TBC1D5: variants seen among roughly 807,000 people sequenced by gnomAD.
The protein encoded by TBC1D5 is TBC1 domain family, member 5.
Under a neutral mutation model 100.3 loss-of-function variants are expected in TBC1D5, and 75 were observed. The ratio of observed to expected loss-of-function variants is 0.75; its 90% CI spans 0.62 to 0.91. The LOEUF is 0.91. Ranked by LOEUF, TBC1D5 falls within the 40% of genes least tolerant of loss-of-function variation. The pLI is 0.00. For missense variants in TBC1D5, 910 were observed against 942.4 expected, an observed-to-expected ratio of 0.97 and a Z score of 0.45; for synonymous variants, 323 against 325.6, an observed-to-expected ratio of 0.99 and a Z score of 0.09.
chr3:17,507,125 C>G (rs897135795), intron 3 of TBC1D5, among the ~76,000 whole-genome samples: 1 of 152,184 alleles, frequency 6.6e-6, no homozygotes, highest in African/African-American at 2.4e-5. Context: ...ACTTGTAACA[C>G]AAAGACATTC....
At chr3:17,404,212 T>G (rs896190016) in intron 7 of TBC1D5, among the ~76,000 whole-genome samples, 5 of 152,082 alleles carry the variant, frequency 3.3e-5, no homozygotes, top group African/African-American at 9.7e-5. Flanking sequence ...ACATAATATC[T>G]TTAAAGTAGT....
intron 13 of TBC1D5, among the ~76,000 whole-genome samples, chr3:17,314,317 G>A (rs558211383): frequency 2.9e-4 from 44 of 152,080 alleles, no homozygotes; most frequent in Non-Finnish European, 5.0e-4. Context: ...TTGATCTTGG[G>A]CCTACAGGCT....
At chr3:17,230,147 T>G (rs979705770) in intron 17 of TBC1D5, among the ~76,000 whole-genome samples, 1 of 152,164 alleles carries the variant, frequency 6.6e-6, no homozygotes, top group Non-Finnish European at 1.5e-5. Context: ...TTGTTTTTTT[T>G]GGTATCTTCC....
At chr3:17,732,606 G>A (rs990155328) in intron 1 of TBC1D5, among the ~76,000 whole-genome samples, 1 of 151,366 alleles carries the variant, frequency 6.6e-6, no homozygotes, top group Non-Finnish European at 1.5e-5. Flanking sequence ...AGGCCTGGTA[G>A]CATTCGCCTG....
intron 8 of TBC1D5, among the ~76,000 whole-genome samples, chr3:17,398,439 T>C (rs942428602): frequency 6.6e-5 from 10 of 152,138 alleles, no homozygotes; most frequent in African/African-American, 2.4e-4. Context: ...GAAATCAAAT[T>C]ATCTTGTTTA....
intron 3 of TBC1D5, among the ~76,000 whole-genome samples, chr3:17,466,013 T>C (rs1025379768): frequency 5.3e-5 from 8 of 152,216 alleles, no homozygotes; most frequent in African/African-American, 1.9e-4. Flanking sequence ...TTAGAATTGA[T>C]ATGGACAACT....
intron 18 of TBC1D5, among the ~76,000 whole-genome samples, chr3:17,210,715 A>C (rs2072879655): frequency 6.6e-6 from 1 of 152,116 alleles, no homozygotes; most frequent in Non-Finnish European, 1.5e-5. Context: ...TTCCTACCTT[A>C]AAACTCAGTT....
chr3:17,689,745 A>C (rs1192973668), intron 1 of TBC1D5, among the ~76,000 whole-genome samples: 2 of 152,198 alleles, frequency 1.3e-5, no homozygotes, highest in African/African-American at 4.8e-5. Context: ...CACTGCCCCC[A>C]GGGGACATTT....
chr3:17,288,263 C>T (rs1272021973), intron 15 of TBC1D5, among the ~76,000 whole-genome samples: 1 of 152,116 alleles, frequency 6.6e-6, no homozygotes, highest in Non-Finnish European at 1.5e-5. Context: ...GATAAACTTG[C>T]TGTTTTTCTC....
chr3:17,297,889 C>T (rs2060627), intron 14 of TBC1D5, among the ~76,000 whole-genome samples: 3 of 151,752 alleles, frequency 2.0e-5, no homozygotes, highest in African/African-American at 7.3e-5. Flanking sequence ...CACTACACCT[C>T]GCCAAAACAA....
intron 14 of TBC1D5, among the ~76,000 whole-genome samples, chr3:17,292,276 T>G (rs2081838518): frequency 6.6e-6 from 1 of 152,192 alleles, no homozygotes; most frequent in African/African-American, 2.4e-5. Context: ...CAACATAAAT[T>G]CTCAGAACCG....
intron 13 of TBC1D5, among the ~76,000 whole-genome samples, chr3:17,340,855 A>T (rs1298117165): frequency 1.3e-5 from 2 of 152,218 alleles, no homozygotes; most frequent in Non-Finnish European, 2.9e-5. Context: ...TAGTAGCGGT[A>T]TCTAGAAATC....
chr3:17,418,394 G>T (rs1367143763), intron 4 of TBC1D5, among the ~76,000 whole-genome samples: 1 of 152,044 alleles, frequency 6.6e-6, no homozygotes, highest in East Asian at 1.9e-4. Flanking sequence ...GATCACCTGA[G>T]GTCAGGAGTT....
intron 13 of TBC1D5, among the ~76,000 whole-genome samples, chr3:17,345,281 AAAG>A (rs1371656750): frequency 6.6e-6 from 1 of 152,258 alleles, no homozygotes; most frequent in African/African-American, 2.4e-5. Context: ...ACACTTTCCA[AAAG>A]AAGACATTTA....
chr3:17,278,890 C>G (rs1008156842), intron 15 of TBC1D5, among the ~76,000 whole-genome samples: 1 of 152,118 alleles, frequency 6.6e-6, no homozygotes, highest in Non-Finnish European at 1.5e-5. Flanking sequence ...GATTATTAAC[C>G]ATGTGAGAAA....
chr3:17,256,241 T>G (rs187496899), intron 16 of TBC1D5, among the ~76,000 whole-genome samples: 5 of 152,158 alleles, frequency 3.3e-5, no homozygotes, highest in Non-Finnish European at 2.9e-5. Context: ...ACTATTTCCT[T>G]GCTTACTGAG....
At chr3:17,197,168 A>C (rs2070808112) in intron 18 of TBC1D5, among the ~76,000 whole-genome samples, 1 of 152,172 alleles carries the variant, frequency 6.6e-6, no homozygotes, top group Non-Finnish European at 1.5e-5. Context: ...CAACCCTTCC[A>C]ATGTCCACTT....
At chr3:17,211,829 C>T (rs2073027784) in intron 18 of TBC1D5, among the ~76,000 whole-genome samples, 1 of 152,186 alleles carries the variant, frequency 6.6e-6, no homozygotes, top group South Asian at 2.1e-4. Flanking sequence ...AATGCTTGCA[C>T]TAAAGGTGCC....
chr3:17,715,344 G>T (rs537375238), intron 1 of TBC1D5, among the ~76,000 whole-genome samples: 3 of 152,280 alleles, frequency 2.0e-5, no homozygotes, highest in African/African-American at 7.2e-5. Context: ...AGCAAGGTCT[G>T]TGACTTACTC....
Sources: gnomAD v4.1 joint callset for allele counts (sites outside exome capture counted in the v4.1 genomes callset) on GRCh38, gnomAD v4.1.1 for gene constraint, MANE v1.5 for transcripts, NCBI Gene and HGNC (gene_info 2026-07-23, HGNC 2026-07-21) for gene names.